The following STX8 variants were observed in gnomAD, a reference collection of about 807,000 sequenced individuals.
STX8 encodes syntaxin 8, also known as syntaxin-8.
In STX8, 23 loss-of-function variants were observed where a neutral mutation model predicts 37.5. That is an observed-to-expected ratio of 0.61 (90% confidence interval 0.44 to 0.87). STX8 has a LOEUF of 0.87. STX8 is among the 40% of genes least tolerant of loss of function. The pLI is 0.00. For synonymous variants in STX8, 115 were observed against 99.1 expected (o/e 1.16, Z -0.95); for missense variants, 313 against 284.7 (o/e 1.10, Z -0.71).
chr17:9,445,335 T>C (rs1282010331), intron 6 of STX8, among the ~76,000 whole-genome samples: 1 of 151,536 alleles, frequency 6.6e-6, no homozygotes, highest in Non-Finnish European at 1.5e-5. Context: ...AGAAGAGACA[T>C]GATATTTCAT....
At chr17:9,288,151 A>C (rs1366220420) in intron 7 of STX8, among the ~76,000 whole-genome samples, 2 of 142,432 alleles carry the variant, frequency 1.4e-5, no homozygotes, top group East Asian at 2.0e-4. Context: ...AAAAAAAAAA[A>C]AAACCAAAAA....
intron 6 of STX8, among the ~76,000 whole-genome samples, chr17:9,439,523 T>C (rs1019921336): frequency 1.3e-5 from 2 of 151,200 alleles, no homozygotes; most frequent in African/African-American, 4.8e-5. Context: ...CTGTACTTAC[T>C]GCCATATAAT....
chr17:9,456,379 A>C (rs1905188398), intron 6 of STX8, among the ~76,000 whole-genome samples: 1 of 152,130 alleles, frequency 6.6e-6, no homozygotes, highest in South Asian at 2.1e-4. Flanking sequence ...ACCAAATGAA[A>C]CACCATTTGA....
At chr17:9,335,753 G>A (rs11867839) in intron 7 of STX8, among the ~76,000 whole-genome samples, 23,093 of 150,636 alleles carry the variant, frequency 0.15, 2,135 homozygotes, top group African/African-American at 0.23. Context: ...CAAGAATTTC[G>A]AAAAATAAAT....
intron 6 of STX8, among the ~76,000 whole-genome samples, chr17:9,484,826 C>CA (rs1400088053): frequency 2.0e-5 from 3 of 151,858 alleles, no homozygotes; most frequent in East Asian, 3.9e-4. Flanking sequence ...GATTCTGTCT[C>CA]AAAAAAAGAG....
At chr17:9,327,173 AGAAGAAGAAG>A (rs1199331969) in intron 7 of STX8, among the ~76,000 whole-genome samples, 8 of 149,936 alleles carry the variant, frequency 5.3e-5, no homozygotes, top group South Asian at 2.1e-4. Flanking sequence ...AAAAAAAAGA[AGAAGAAGAAG>A]GAAGAAGAAG....
intron 1 of STX8, among the ~76,000 whole-genome samples, chr17:9,569,324 A>T (rs1907588867): frequency 1.3e-5 from 2 of 152,238 alleles, no homozygotes; most frequent in Non-Finnish European, 2.9e-5. Context: ...AGAAAAACGC[A>T]GCAGGATAAA....
intron 7 of STX8, among the ~76,000 whole-genome samples, chr17:9,350,985 A>G (rs997056558): frequency 2.0e-5 from 3 of 152,140 alleles, no homozygotes; most frequent in Non-Finnish European, 4.4e-5. Flanking sequence ...GCACTAACCC[A>G]TGGGCAGCTT....
At chr17:9,561,089 C>T (rs1567610630) in intron 2 of STX8, among the ~76,000 whole-genome samples, 1 of 151,964 alleles carries the variant, frequency 6.6e-6, no homozygotes, top group Non-Finnish European at 1.5e-5. Context: ...GATTTACACA[C>T]ACAAAACAAA....
At chr17:9,414,119 C>CGTCT (rs1913090724) in intron 6 of STX8, among the ~76,000 whole-genome samples, 1 of 76,356 alleles carries the variant, frequency 1.3e-5, no homozygotes, top group African/African-American at 4.2e-5. Flanking sequence ...TCCATCCATC[C>CGTCT]ATCCATCCAA....
chr17:9,362,755 G>C (rs1222896493), intron 7 of STX8, among the ~76,000 whole-genome samples: 2 of 150,854 alleles, frequency 1.3e-5, no homozygotes, highest in Non-Finnish European at 1.5e-5. Flanking sequence ...TCAGGAGGCG[G>C]AGCTTGCAGT....
chr17:9,531,694 C>A lies in STX8; in HGVS notation c.323+13478G>T, dbSNP rs184780646. Among the ~76,000 whole-genome samples the A allele has an allele frequency of 5.8e-4, 89 of 152,282 alleles. 2 individuals carry two copies. Among genetic ancestry groups the A allele is most frequent in the Admixed American group, 5.4e-3 (82 of 15,296 alleles). On this transcript the variant is annotated intron_variant, in intron 4 of 7. Transcript: ENST00000306357. ...TGAGGGTCTTAGAATGTGTCCTCTG[C>A]CCTTAAGCAGGGGACTACTCTTTAT...
At chr17:9,526,788 G>A (rs1316301077) in intron 4 of STX8, among the ~76,000 whole-genome samples, 2 of 149,662 alleles carry the variant, frequency 1.3e-5, no homozygotes, top group East Asian at 4.0e-4. Flanking sequence ...GAGAATCGCT[G>A]GGAGGTGGAG....
chr17:9,359,798 G>C (rs1051106274), intron 7 of STX8, among the ~76,000 whole-genome samples: 1 of 151,990 alleles, frequency 6.6e-6, no homozygotes, highest in South Asian at 2.1e-4. Flanking sequence ...GTGAGCCACC[G>C]TGCCTGGACT....
intron 7 of STX8, among the ~76,000 whole-genome samples, chr17:9,327,929 GTCCT>G (rs200799157): frequency 0.011 from 1,329 of 119,752 alleles, 16 homozygotes; most frequent in African/African-American, 0.041. Flanking sequence ...TCTTCCTTCT[GTCCT>G]TCCTTCCTTC....
chr17:9,565,037 A>T (rs1287238383), intron 2 of STX8, among the ~76,000 whole-genome samples: 1 of 151,660 alleles, frequency 6.6e-6, no homozygotes, highest in African/African-American at 2.4e-5. Context: ...ACAAGAGCCC[A>T]TCTCTACTAA....
intron 2 of STX8, among the ~76,000 whole-genome samples, chr17:9,564,939 G>A (rs974405706): frequency 2.0e-5 from 3 of 152,244 alleles, no homozygotes; most frequent in African/African-American, 7.2e-5. Context: ...CGGGCGCAGT[G>A]GCTCATGCCT....
chr17:9,350,812 C>T (rs903569965), intron 7 of STX8, among the ~76,000 whole-genome samples: 2 of 152,182 alleles, frequency 1.3e-5, no homozygotes, highest in Admixed American at 6.5e-5. Context: ...GGATTACAGG[C>T]GTGAGCCACC....
At chr17:9,502,292 C>T (rs775797967) in intron 5 of STX8, among the ~76,000 whole-genome samples, 4 of 152,122 alleles carry the variant, frequency 2.6e-5, no homozygotes, top group Non-Finnish European at 5.9e-5. Context: ...AGTGGTTACC[C>T]AGCCCTGGGG....
Sources: allele counts gnomAD v4.1 joint callset (sites outside exome capture counted in the v4.1 genomes callset), GRCh38; gene constraint gnomAD v4.1.1; transcripts MANE v1.5; gene names NCBI Gene and HGNC (gene_info 2026-07-23, HGNC 2026-07-21).